Variants in BIK observed in about 807,000 individuals in gnomAD.
BIK encodes the protein bcl-2-interacting killer.
BIK carries 14 observed loss-of-function variants against 12.1 expected under a neutral mutation model. That is an observed-to-expected ratio of 1.16 (90% confidence interval 0.77 to 1.81). The LOEUF is 1.81. Ranked by LOEUF, BIK falls within the 40% of genes most tolerant of loss-of-function variation. The pLI, the probability that BIK is intolerant of heterozygous loss-of-function variation, is 0.00. For synonymous variants in BIK, 86 were observed against 92.3 expected, an observed-to-expected ratio of 0.93 and a Z score of 0.39; for missense variants, 215 against 207.9, an observed-to-expected ratio of 1.03 and a Z score of -0.21.
intron 2 of BIK, 95 bp downstream of exon 2, chr22:43,124,278 G>T (rs1311055965): frequency 2.8e-6 from 4 of 1,437,364 alleles, no homozygotes; most frequent in Non-Finnish European, 3.8e-6. Flanking sequence ...AGCGCCTGCA[G>T]ATGCCTCCCA....
chr22:43,113,066 T>C (rs1355126989), intron 1 of BIK, among the ~76,000 whole-genome samples: 2 of 151,764 alleles, frequency 1.3e-5, no homozygotes, highest in Non-Finnish European at 2.9e-5. Flanking sequence ...TAGCCGGTCG[T>C]GGTGGCGTGT....
intron 1 of BIK, among the ~76,000 whole-genome samples, chr22:43,114,450 G>A (rs181144169): frequency 8.5e-5 from 13 of 152,132 alleles, no homozygotes; most frequent in Middle Eastern, 3.4e-3. Context: ...TTACAGGCGC[G>A]TGCCACCACA....
chr22:43,117,778 C>T (rs992817853), intron 1 of BIK, among the ~76,000 whole-genome samples: 1 of 151,614 alleles, frequency 6.6e-6, no homozygotes, highest in African/African-American at 2.4e-5. Flanking sequence ...TCAAGCGATT[C>T]TCCTGCCTCA....
chr22:43,129,344 T>C lies in BIK; in HGVS notation c.*39T>C. 1 of 1,587,420 alleles carries C rather than the reference T, an allele frequency of 6.3e-7. No individual in the cohort carries two copies. Among genetic ancestry groups the C allele is most frequent in the East Asian group, 2.2e-5 (1 of 44,606 alleles). ...CAGGGCGGGGCTGGCCCCACCCCCATGACCACTGCCCTGGAGGTGGCGGCC... is the reference window on the plus strand; with the variant it reads ...CAGGGCGGGGCTGGCCCCACCCCCACGACCACTGCCCTGGAGGTGGCGGCC... On this transcript the variant is annotated 3_prime_UTR_variant, in exon 5 of 5. Coordinates refer to ENST00000216115, the MANE Select transcript of BIK (RefSeq NM_001197.5).
Position 43,111,886 on chromosome 22 carries a change from CAG to C in BIK, c.-8+1087_-8+1088del, listed in dbSNP as rs577779269. ...AGGCCTCATCTTCCAGGTGGAGAAACAGAGATTTCAGTCCCAGGAGGCACAGA... is the reference window on the plus strand; with the variant it reads ...AGGCCTCATCTTCCAGGTGGAGAAACAGATTTCAGTCCCAGGAGGCACAGA... On this transcript the variant is annotated intron_variant, in intron 1 of 4. Coordinates refer to ENST00000216115, the MANE Select transcript of BIK (RefSeq NM_001197.5). Among the ~76,000 whole-genome samples the C allele has an allele frequency of 3.3e-5, 5 of 152,248 alleles. No individual in the cohort carries two copies. In the South Asian group the frequency reaches 8.3e-4, roughly 25 times the overall value.
rs1486455313 is a variant in BIK at position 43,129,298 on chromosome 22, T to C, written c.476T>C (p.Leu159Pro). The C allele has an allele frequency of 3.1e-6, 5 of 1,599,312 alleles. No individual in the cohort carries two copies. Among genetic ancestry groups the C allele is most frequent in the Non-Finnish European group, 3.4e-6 (4 of 1,179,064 alleles). The change falls in exon 5 of 5, where the codon CTC becomes CCC. Residue 159 changes from leucine to proline, a missense_variant. Transcript: ENST00000216115. Reference sequence around the variant, plus strand: ...CTCAGCGGGGGCCTGCACCTGCTGCTCAAGTGAGGCCCCGGCGGCTCAGGG... The same window carrying C: ...CTCAGCGGGGGCCTGCACCTGCTGCCCAAGTGAGGCCCCGGCGGCTCAGGG... ...PLLSGGLHLLLK is the reference protein window; with the variant it reads ...PLLSGGLHLLPK
At chr22:43,118,478 G>C (rs537029589) in intron 1 of BIK, among the ~76,000 whole-genome samples, 1 of 152,176 alleles carries the variant, frequency 6.6e-6, no homozygotes, top group Non-Finnish European at 1.5e-5. Flanking sequence ...AGCAGGGGCC[G>C]AGCAGGGGGT....
intron 1 of BIK, among the ~76,000 whole-genome samples, chr22:43,115,167 A>G (rs761175839): frequency 2.0e-5 from 3 of 152,188 alleles, no homozygotes; most frequent in Non-Finnish European, 2.9e-5. Context: ...TGTTTACCCA[A>G]GGTGCTGGGA....
At chr22:43,123,149 A>G (rs145196275) in intron 1 of BIK, among the ~76,000 whole-genome samples, 1 of 152,220 alleles carries the variant, frequency 6.6e-6, no homozygotes, top group African/African-American at 2.4e-5. Context: ...ATTTGTGAAG[A>G]AGGATGTGTG....
At chr22:43,115,906 G>A (rs1390699261) in intron 1 of BIK, among the ~76,000 whole-genome samples, 7 of 151,926 alleles carry the variant, frequency 4.6e-5, no homozygotes, top group South Asian at 4.2e-4. Flanking sequence ...ACAGGTGCCC[G>A]CCACCACGCC....
chr22:43,115,086 C>T (rs560910793), intron 1 of BIK, among the ~76,000 whole-genome samples: 18 of 152,306 alleles, frequency 1.2e-4, no homozygotes, highest in Non-Finnish European at 2.4e-4. Flanking sequence ...TGCAGGTTCC[C>T]GACTGGCTGG....
At position 43,125,085 on chromosome 22, in the gene BIK, C is replaced by T. The variant is rs564010725; in HGVS notation, c.161+902C>T. On this transcript the variant is annotated intron_variant, in intron 2 of 4. Coordinates refer to ENST00000216115, the MANE Select transcript of BIK (RefSeq NM_001197.5). ...ATATAGGGCAACTTCCTGACGTTGC[C>T]GTGGCATTTGTAAACTGTCGTGGCA... is the stretch of plus-strand genomic sequence containing the variant. Among the ~76,000 whole-genome samples, 13 of 152,198 alleles carry T rather than the reference C, an allele frequency of 8.5e-5. No individual in the cohort carries two copies. In the Middle Eastern group the frequency reaches 0.01, roughly 119 times the overall value.
At chr22:43,123,188 A>G (rs1202085081) in intron 1 of BIK, among the ~76,000 whole-genome samples, 1 of 152,108 alleles carries the variant, frequency 6.6e-6, no homozygotes, top group Non-Finnish European at 1.5e-5. Context: ...GAAAAACACT[A>G]GAAGAATTAG....
intron 1 of BIK, among the ~76,000 whole-genome samples, chr22:43,118,400 C>T (rs535451565): frequency 6.6e-6 from 1 of 152,326 alleles, no homozygotes; most frequent in East Asian, 1.9e-4. Context: ...TTTTCATCCT[C>T]TCAGCAGCCC....
chr22:43,118,216 CTGG>C (rs1930155479), intron 1 of BIK, among the ~76,000 whole-genome samples: 1 of 152,072 alleles, frequency 6.6e-6, no homozygotes, highest in Admixed American at 6.6e-5. Context: ...GCGTGTGTGA[CTGG>C]TGGATGCTGA....
chr22:43,127,182 T>C (rs760699), intron 2 of BIK, among the ~76,000 whole-genome samples: 130,227 of 152,036 alleles, frequency 0.86, 55,912 homozygotes, highest in East Asian at 0.95. Flanking sequence ...TCCCCCCATT[T>C]GGAGAGGGGT....
At chr22:43,119,102 T>C (rs4988388) in intron 1 of BIK, among the ~76,000 whole-genome samples, 24,075 of 151,260 alleles carry the variant, frequency 0.16, 2,181 homozygotes, top group African/African-American at 0.24. Flanking sequence ...GTGGGTGTGG[T>C]ACTCTTTTCT....
chr22:43,112,000 G>A (rs1268397780), intron 1 of BIK, among the ~76,000 whole-genome samples: 1 of 152,112 alleles, frequency 6.6e-6, no homozygotes, highest in Non-Finnish European at 1.5e-5. Context: ...CTGTGGCCTC[G>A]GAAGGGCCAC....
chr22:43,123,744 CA>C (rs987730976), intron 1 of BIK, among the ~76,000 whole-genome samples: 1 of 152,104 alleles, frequency 6.6e-6, no homozygotes, highest in African/African-American at 2.4e-5. Flanking sequence ...ACTCAGTATC[CA>C]AAAACAAAGA....
Sources: allele counts gnomAD v4.1 joint callset (sites outside exome capture counted in the v4.1 genomes callset), GRCh38; gene constraint gnomAD v4.1.1; transcripts MANE v1.5; gene names NCBI Gene and HGNC (gene_info 2026-07-23, HGNC 2026-07-21).